EIF4E3: variants seen among roughly 807,000 people sequenced by gnomAD.
EIF4E3 encodes eukaryotic translation initiation factor 4E type 3.
A neutral mutation model predicts 31.7 loss-of-function variants in EIF4E3; 26 were observed. The observed-to-expected ratio is 0.82, with a 90% CI of 0.60 to 1.14. The LOEUF (loss-of-function observed/expected upper bound fraction) is 1.14, where lower values mean the gene tolerates loss of function less well. Among genes scored for constraint, EIF4E3 ranks in the 50% most tolerant of loss-of-function variants. The pLI is 0.00. For missense variants in EIF4E3, 304 were observed against 270.9 expected, an observed-to-expected ratio of 1.12 and a Z score of -0.86; for synonymous variants, 128 against 107.7, an observed-to-expected ratio of 1.19 and a Z score of -1.17.
intron 1 of EIF4E3, among the ~76,000 whole-genome samples, chr3:71,745,406 A>G (rs1250009497): frequency 6.6e-6 from 1 of 152,238 alleles, no homozygotes; most frequent in Non-Finnish European, 1.5e-5. Context: ...TGTGTCTTAC[A>G]GGAACTTAAA....
chr3:71,699,626 C>T lies in EIF4E3; in HGVS notation c.332G>A (p.Arg111Lys). 2 of 1,613,680 alleles carry T rather than the reference C, an allele frequency of 1.2e-6. No individual in the cohort carries two copies. The highest frequency in any genetic ancestry group is 1.6e-4 in the Middle Eastern group (1 of 6,062). ...RCSYHLMRGE[R>K]RPLWEEESNA... Reference sequence around the variant, plus strand: ...GTTAGACACTTACCAAAGTGGTCGCCTCTCTCCTCTCATTAAATGATAACT... The same window carrying T: ...GTTAGACACTTACCAAAGTGGTCGCTTCTCTCCTCTCATTAAATGATAACT... Residue 111 changes from arginine to lysine, a missense_variant, in exon 3 of 7, where the codon AGG (arginine) becomes AAG (lysine). By Grantham distance (26) the Arg-to-Lys change is conservative. Transcript: ENST00000425534.
rs1191492080 is a variant in EIF4E3 at position 71,680,036 on chromosome 3, T to TG, written c.*4645dup. The TG allele has an allele frequency of 6.6e-6, 1 of 152,230 alleles. No homozygotes were observed. 9.4% of individuals were successfully genotyped at this position (152,230 alleles called of 1,614,324 possible). On this transcript the variant is annotated 3_prime_UTR_variant, in exon 7 of 7. Transcript: ENST00000425534. ...ACTCTGTATTAAAGGCTTTATATTA[T>TG]GGACTTCCAGGGATGGGCTCCCATG... is the stretch of plus-strand genomic sequence containing the variant.
chr3:71,701,352 C>CT (rs2049214096), intron 2 of EIF4E3, among the ~76,000 whole-genome samples: 1 of 152,056 alleles, frequency 6.6e-6, no homozygotes, highest in African/African-American at 2.4e-5. Flanking sequence ...GATTATTATC[C>CT]TTTTTTTAAA....
intron 2 of EIF4E3, among the ~76,000 whole-genome samples, chr3:71,706,614 C>T (rs2049296419): frequency 2.6e-5 from 4 of 151,868 alleles, no homozygotes; most frequent in South Asian, 2.1e-4. Context: ...GTCAGAAATT[C>T]GAGACTAGCC....
chr3:71,670,360 G>A, the EIF4E3 span, among the ~76,000 whole-genome samples: 7 of 151,968 alleles, frequency 4.6e-5, no homozygotes, highest in Non-Finnish European at 8.8e-5. Context: ...CATTTCTTTT[G>A]CCCCTCCTTT....
chr3:71,724,620 T>C (rs1395117714), intron 1 of EIF4E3, among the ~76,000 whole-genome samples: 1 of 152,166 alleles, frequency 6.6e-6, no homozygotes, highest in Non-Finnish European at 1.5e-5. Flanking sequence ...GGCTCCACTG[T>C]AGGTGTTCAG....
chr3:71,731,895 T>A (rs943715614), intron 1 of EIF4E3, among the ~76,000 whole-genome samples: 3 of 152,202 alleles, frequency 2.0e-5, no homozygotes. Flanking sequence ...TCCAAATATA[T>A]TTAGAGAGAT....
At chr3:71,689,953 T>A in intron 6 of EIF4E3, 57 bp downstream of exon 6, 1 of 1,396,868 alleles carries the variant, frequency 7.2e-7, no homozygotes, top group Non-Finnish European at 9.4e-7. Context: ...ACAGTTTCTA[T>A]CTTTAAAAGT....
At chr3:71,696,828 G>A (rs1459662840) in intron 3 of EIF4E3, among the ~76,000 whole-genome samples, 1 of 146,120 alleles carries the variant, frequency 6.8e-6, no homozygotes, top group African/African-American at 2.5e-5. Context: ...CCATTCTCCT[G>A]CCTCAGCCTC....
chr3:71,674,706 T>C (rs2048863607), downstream of EIF4E3, among the ~76,000 whole-genome samples: 4 of 152,144 alleles, frequency 2.6e-5, no homozygotes, highest in South Asian at 8.3e-4. Flanking sequence ...AAAGTTTCCT[T>C]GAAGCAGTTC....
intron 1 of EIF4E3, among the ~76,000 whole-genome samples, chr3:71,718,304 T>A (rs932544693): frequency 6.6e-6 from 1 of 152,144 alleles, no homozygotes; most frequent in African/African-American, 2.4e-5. Context: ...TGATCAAGAG[T>A]CGCATACAAA....
chr3:71,740,687 C>T (rs183046458), intron 1 of EIF4E3, among the ~76,000 whole-genome samples: 26 of 152,038 alleles, frequency 1.7e-4, no homozygotes, highest in African/African-American at 6.0e-4. Flanking sequence ...GAGCTGAGAT[C>T]GTGCCACTGC....
upstream of EIF4E3, chr3:71,753,913 C>T (rs1397474620): frequency 1.2e-5 from 12 of 973,236 alleles, no homozygotes; most frequent in African/African-American, 3.5e-5. Flanking sequence ...AGGGGCCGGC[C>T]GGGAGCGGGC....
Position 71,681,798 on chromosome 3 carries a change from C to T in EIF4E3, c.*2884G>A, listed in dbSNP as rs2048927169. The stretch of plus-strand genomic sequence containing the variant: ...GTTTCTAAGCTATAAAGTCTTGTGA[C>T]TGTGTGCATGGTGTAGACATGGGCT... On this transcript the variant is annotated 3_prime_UTR_variant, in exon 7 of 7. Coordinates refer to ENST00000425534, the MANE Select transcript of EIF4E3 (RefSeq NM_001134651.2). 1 of 152,162 alleles carries T rather than the reference C, an allele frequency of 6.6e-6. No individual in the cohort carries two copies. Among genetic ancestry groups the T allele is most frequent in the African/African-American group, 2.4e-5 (1 of 41,446 alleles). 9.4% of individuals were successfully genotyped at this position (152,162 alleles called of 1,614,324 possible). A position where few individuals can be genotyped will look rare whatever the true frequency, so the allele number is the denominator to read the frequency against.
intron 2 of EIF4E3, among the ~76,000 whole-genome samples, chr3:71,707,033 T>G (rs1334624663): frequency 6.6e-6 from 1 of 152,218 alleles, no homozygotes; most frequent in Non-Finnish European, 1.5e-5. Flanking sequence ...TTAGTGGTGG[T>G]GCGATCCAGA....
At chr3:71,722,126 ACT>A (rs1385299261) in intron 1 of EIF4E3, among the ~76,000 whole-genome samples, 1 of 151,610 alleles carries the variant, frequency 6.6e-6, no homozygotes, top group Non-Finnish European at 1.5e-5. Context: ...GTTACAGATG[ACT>A]CTAAGATTTC....
chr3:71,751,034 T>C (rs546042695), intron 1 of EIF4E3, among the ~76,000 whole-genome samples: 48 of 152,138 alleles, frequency 3.2e-4, no homozygotes, highest in Admixed American at 1.3e-3. Context: ...AGTGCTGGGA[T>C]TACAGGTGTG....
At position 71,682,362 on chromosome 3, in the gene EIF4E3, G is replaced by A. The variant is rs1017392141; in HGVS notation, c.*2320C>T. 6.6e-6 allele frequency: 1 copy of A among 152,162 alleles called. No individual in the cohort carries two copies. The highest frequency in any genetic ancestry group is 1.5e-5 in the Non-Finnish European group (1 of 68,024). The allele number at this position is 152,162 out of a possible 1,614,324, so 9.4% of individuals were successfully genotyped here. A position where few individuals can be genotyped will look rare whatever the true frequency, so the allele number is the denominator to read the frequency against. ...GCACTTTCCCCACATCAGCCAAGAT[G>A]GGTAAACTGCCTTAACACAAAAGTC... On this transcript the variant is annotated 3_prime_UTR_variant, in exon 7 of 7. Transcript: ENST00000425534.
upstream of EIF4E3, among the ~76,000 whole-genome samples, chr3:71,727,269 T>C (rs1371327133): frequency 2.6e-5 from 4 of 152,262 alleles, no homozygotes; most frequent in Non-Finnish European, 5.9e-5. Flanking sequence ...AAAATGCAAG[T>C]ATGCACATGC....
Sources: gnomAD v4.1 joint callset for allele counts (sites outside exome capture counted in the v4.1 genomes callset) on GRCh38, gnomAD v4.1.1 for gene constraint, MANE v1.5 for transcripts, NCBI Gene and HGNC (gene_info 2026-07-23, HGNC 2026-07-21) for gene names.